The following TDRD7 variants were observed in gnomAD, a reference collection of about 807,000 sequenced individuals.
TDRD7 encodes tudor domain containing 7.
Under a neutral mutation model 109.8 loss-of-function variants are expected in TDRD7, and 47 were observed. That is an observed-to-expected ratio of 0.43 (90% confidence interval 0.34 to 0.55). TDRD7 has a LOEUF of 0.55. Ranked by LOEUF, TDRD7 falls within the 20% of genes least tolerant of loss-of-function variation. The pLI is 0.03. For synonymous variants in TDRD7, 424 were observed against 457.3 expected (o/e 0.93, Z 0.93); for missense variants, 1,164 against 1,319.2 (o/e 0.88, Z 1.82).
intron 6 of TDRD7, among the ~76,000 whole-genome samples, chr9:97,449,925 C>A (rs1828462688): frequency 6.6e-6 from 1 of 152,212 alleles, no homozygotes; most frequent in African/African-American, 2.4e-5. Flanking sequence ...AGCCTCACAT[C>A]TGCCAAGCCT....
At position 97,460,298 on chromosome 9, in the gene TDRD7, C is replaced by T. The variant is rs151147258; in HGVS notation, c.976C>T (p.Gln326Ter). The change falls in exon 7 of 17, where the codon CAA becomes TAA. Residue 326 changes from glutamine to a stop codon, truncating the protein, a stop_gained. Coordinates refer to ENST00000355295, the MANE Select transcript of TDRD7 (RefSeq NM_014290.3). LOFTEE classifies it high-confidence loss of function. ...VPLSPLPGPK[Q>*]TPPLKGCPTV... ...TCTATCCCCACTACCTGGTCCCAAA[C>T]AAACACCACCGTTGAAAGGGTGTCC... 6.2e-7 allele frequency: 1 copy of T among 1,614,238 alleles called. No homozygotes were observed. The highest frequency in any genetic ancestry group is 8.5e-7 in the Non-Finnish European group (1 of 1,180,042).
rs746846762 is a variant in TDRD7, at chr9:97,482,999, A to G, written c.2563A>G (p.Ser855Gly). Residue 855 changes from serine to glycine, a missense_variant, in exon 15 of 17, where the codon AGT becomes GGT. Around this residue, in one of 5 missense-constraint regions of TDRD7, gnomAD observed 233 missense variants for 218.0 expected, o/e 1.07. Coordinates refer to ENST00000355295, the MANE Select transcript of TDRD7 (RefSeq NM_014290.3). ...QKDVFLSAIS[S>G]GADSPNSKNG... ...GGATGTGTTTTTGAGTGCCATATCC[A>G]GTGGAGCTGACTCTCCCAACAGCAA... 11 of 1,614,208 alleles carry G rather than the reference A, an allele frequency of 6.8e-6. No homozygotes were observed. In the East Asian group the frequency reaches 1.8e-4, roughly 26 times the overall value.
At chr9:97,432,675 C>G (rs1361201814) in intron 4 of TDRD7, among the ~76,000 whole-genome samples, 1 of 152,140 alleles carries the variant, frequency 6.6e-6, no homozygotes, top group African/African-American at 2.4e-5. Context: ...ATAAGACAAC[C>G]TATAAGTCTT....
chr9:97,464,304 G>A (rs971033904), intron 7 of TDRD7, among the ~76,000 whole-genome samples: 17 of 152,182 alleles, frequency 1.1e-4, no homozygotes, highest in African/African-American at 4.1e-4. Context: ...TGTGGGATAT[G>A]TTGGACCAAA....
At chr9:97,438,693 A>G (rs61418045) in intron 4 of TDRD7, among the ~76,000 whole-genome samples, 10,953 of 152,060 alleles carry the variant, frequency 0.072, 623 homozygotes, top group African/African-American at 0.16. Context: ...GTAGGGATCT[A>G]TTTCTTTTTT....
Position 97,482,993 on chromosome 9 carries a change from A to G in TDRD7, c.2557A>G (p.Ile853Val), listed in dbSNP as rs2131177517. The change falls in exon 15 of 17, where the codon ATA becomes GTA. Residue 853 changes from isoleucine to valine, a missense_variant. Ile to Val is a conservative substitution (Grantham distance 29). Transcript: ENST00000355295. ...TCAGAAGGATGTGTTTTTGAGTGCC[A>G]TATCCAGTGGAGCTGACTCTCCCAA... ...KHQKDVFLSA[I>V]SSGADSPNSK... The G allele has an allele frequency of 6.2e-7, 1 of 1,614,214 alleles. No individual in the cohort carries two copies. The highest frequency in any genetic ancestry group is 8.5e-7 in the Non-Finnish European group (1 of 1,180,034).
intron 1 of TDRD7, among the ~76,000 whole-genome samples, chr9:97,426,406 C>G (rs1257537069): frequency 1.3e-5 from 2 of 152,016 alleles, no homozygotes; most frequent in African/African-American, 4.8e-5. Flanking sequence ...CATATGCTGC[C>G]ACATCCAGCT....
chr9:97,489,305 C>A (rs1057194788), intron 16 of TDRD7, among the ~76,000 whole-genome samples: 2 of 152,022 alleles, frequency 1.3e-5, no homozygotes, highest in South Asian at 4.1e-4. Context: ...CCATTTTTGC[C>A]TCATGTATTT....
intron 7 of TDRD7, 64 bp downstream of exon 7, chr9:97,460,828 A>G (rs979573593): frequency 1.5e-5 from 22 of 1,442,142 alleles, no homozygotes; most frequent in Non-Finnish European, 1.8e-5. Context: ...TATTCTTCAC[A>G]TGGATGTTGA....
intron 6 of TDRD7, among the ~76,000 whole-genome samples, chr9:97,444,416 A>G (rs1828364625): frequency 6.6e-6 from 1 of 152,360 alleles, no homozygotes; most frequent in East Asian, 1.9e-4. Flanking sequence ...CTGTTGTTAA[A>G]CAGTTTTAGA....
At chr9:97,485,690 C>T (rs891455026) in intron 15 of TDRD7, among the ~76,000 whole-genome samples, 5 of 152,180 alleles carry the variant, frequency 3.3e-5, no homozygotes, top group African/African-American at 1.2e-4. Context: ...CTATCATTTG[C>T]CAAGTGCCTA....
chr9:97,418,377 T>G (rs1245100125), intron 1 of TDRD7, among the ~76,000 whole-genome samples: 1 of 152,124 alleles, frequency 6.6e-6, no homozygotes, highest in East Asian at 1.9e-4. Flanking sequence ...ACAATTAGGA[T>G]GGAGGTCACG....
In TDRD7 at chr9:97,495,810, C is replaced by T. The variant is rs1564220709; in HGVS notation, c.3224C>T (p.Ser1075Leu). The T allele has an allele frequency of 6.2e-7, 1 of 1,614,152 alleles. No individual in the cohort carries two copies. The highest frequency in any genetic ancestry group is 8.5e-7 in the Non-Finnish European group (1 of 1,180,028). ...GTAGTGGTCTACTTAGTGGACACAT[C>T]GTTGCCAGACACCGATACCTGGATT... Reference protein sequence around the residue: ...RKVVVYLVDTSLPDTDTWIHD... With the variant: ...RKVVVYLVDTLLPDTDTWIHD... Residue 1075 changes from serine to leucine, a missense_variant, in exon 17 of 17, where the codon TCG becomes TTG. Physicochemically the swap from Ser to Leu is moderately radical, Grantham distance 145 (BLOSUM62 -2). Coordinates refer to ENST00000355295, the MANE Select transcript of TDRD7 (RefSeq NM_014290.3).
At chr9:97,456,296 A>G (rs1452972993) in intron 6 of TDRD7, among the ~76,000 whole-genome samples, 1 of 152,250 alleles carries the variant, frequency 6.6e-6, no homozygotes, top group Non-Finnish European at 1.5e-5. Flanking sequence ...ACTACCATTG[A>G]CATTCTTCAC....
chr9:97,428,020 C>G (rs779001859), intron 1 of TDRD7, among the ~76,000 whole-genome samples: 3 of 152,130 alleles, frequency 2.0e-5, no homozygotes, highest in Non-Finnish European at 4.4e-5. Flanking sequence ...AGCTTGGAGT[C>G]TTTGTTCAGT....
In TDRD7 at chr9:97,412,891, ACT is replaced by A. The variant is rs1827743401; in HGVS notation, c.-7+657_-7+658del. ...AGTAGCATCCCCTCAGCAGGGTCAGACTCTCAGCTTCAGCTTGCTAGGAGGGA... is the reference window on the plus strand; with the variant it reads ...AGTAGCATCCCCTCAGCAGGGTCAGACTCAGCTTCAGCTTGCTAGGAGGGA... On this transcript the variant is annotated intron_variant, in intron 1 of 16. Transcript: ENST00000355295. The surrounding 1 kb of genome is among the most constrained non-coding windows in gnomAD (Gnocchi z 4.3). 6.6e-6 allele frequency among the ~76,000 whole-genome samples: 1 copy of A among 152,088 alleles called. No individual in the cohort carries two copies. Among genetic ancestry groups the A allele is most frequent in the East Asian group, 1.9e-4 (1 of 5,172 alleles).
chr9:97,489,904 C>A (rs573357981), intron 16 of TDRD7, among the ~76,000 whole-genome samples: 1 of 152,204 alleles, frequency 6.6e-6, no homozygotes, highest in African/African-American at 2.4e-5. Flanking sequence ...TGTGACATTG[C>A]ACTGTTTCAT....
chr9:97,484,249 A>G (rs924466550), intron 15 of TDRD7, among the ~76,000 whole-genome samples: 2 of 152,044 alleles, frequency 1.3e-5, no homozygotes, highest in African/African-American at 4.8e-5. Context: ...GTTTTTTCTA[A>G]TATTTTCACA....
chr9:97,487,771 A>G (rs182199906), intron 16 of TDRD7, among the ~76,000 whole-genome samples: 2 of 152,292 alleles, frequency 1.3e-5, no homozygotes, highest in East Asian at 1.9e-4. Flanking sequence ...AAAACCCTGC[A>G]TCTTTACACT....
Sources: allele counts gnomAD v4.1 joint callset (sites outside exome capture counted in the v4.1 genomes callset), GRCh38; gene constraint gnomAD v4.1.1; regional missense constraint gnomAD v4.1.1; non-coding constraint Gnocchi (gnomAD v3.1); transcripts MANE v1.5; gene names NCBI Gene and HGNC (gene_info 2026-07-23, HGNC 2026-07-21).